Variants in SLC4A4 observed in about 807,000 individuals in gnomAD.
SLC4A4 encodes the protein electrogenic sodium bicarbonate cotransporter 1.
A neutral mutation model predicts 111.5 loss-of-function variants in SLC4A4; 27 were observed. That is an observed-to-expected ratio of 0.24 (90% confidence interval 0.18 to 0.33). The LOEUF is 0.33. SLC4A4 is among the 10% of genes least tolerant of loss of function. SLC4A4 has a pLI of 1.00. For missense variants in SLC4A4, 909 were observed against 1,315.5 expected, an observed-to-expected ratio of 0.69 and a Z score of 4.78; for synonymous variants, 443 against 463.4, an observed-to-expected ratio of 0.96 and a Z score of 0.57.
At chr4:71,198,860 A>C (rs745627805) in intron 1 of SLC4A4, among the ~76,000 whole-genome samples, 12 of 152,292 alleles carry the variant, frequency 7.9e-5, no homozygotes, top group Non-Finnish European at 1.6e-4. Flanking sequence ...AATTTTTAAA[A>C]AGTTTAAGTT....
chr4:71,512,369 T>G (rs1732007699), intron 16 of SLC4A4, among the ~76,000 whole-genome samples: 1 of 152,184 alleles, frequency 6.6e-6, no homozygotes, highest in Non-Finnish European at 1.5e-5. Context: ...TCATTGTAGT[T>G]TTGATTTGCA....
At chr4:71,413,816 G>A (rs1721605891) in intron 7 of SLC4A4, among the ~76,000 whole-genome samples, 1 of 152,132 alleles carries the variant, frequency 6.6e-6, no homozygotes, top group Non-Finnish European at 1.5e-5. Flanking sequence ...ATCAGCTGGG[G>A]AACATGCTCT....
At chr4:71,251,812 G>A (rs1721089327) in intron 2 of SLC4A4, among the ~76,000 whole-genome samples, 1 of 152,144 alleles carries the variant, frequency 6.6e-6, no homozygotes, top group East Asian at 1.9e-4. Context: ...ATCTTTGGAA[G>A]CAGTATTTCC....
In SLC4A4 at chr4:71,325,912, A is replaced by G. The variant is rs374739546; in HGVS notation, c.254-13458A>G. 1.6e-4 allele frequency among the ~76,000 whole-genome samples: 25 copies of G among 151,980 alleles called. No homozygotes were observed. In the South Asian group the frequency reaches 4.8e-3, roughly 29 times the overall value. ...GTGTGTATGTGTGTGTGTTTTAAAC[A>G]TTTATATGTTTATAAAACTTTATTC... On this transcript the variant is annotated intron_variant, in intron 3 of 25. Coordinates refer to ENST00000264485, the MANE Select transcript of SLC4A4 (RefSeq NM_001098484.3).
At chr4:71,419,116 C>A (rs1722114290) in intron 7 of SLC4A4, among the ~76,000 whole-genome samples, 1 of 152,322 alleles carries the variant, frequency 6.6e-6, no homozygotes, top group East Asian at 1.9e-4. Context: ...GGGGGTGCCT[C>A]CCAGTTAGGC....
intron 1 of SLC4A4, among the ~76,000 whole-genome samples, chr4:71,221,084 A>G (rs1160283962): frequency 6.6e-6 from 1 of 152,182 alleles, no homozygotes; most frequent in Non-Finnish European, 1.5e-5. Flanking sequence ...ATTCCATGGT[A>G]TATTGGTACC....
At chr4:71,232,899 G>A (rs1365005877) in intron 1 of SLC4A4, among the ~76,000 whole-genome samples, 4 of 152,242 alleles carry the variant, frequency 2.6e-5, no homozygotes, top group Admixed American at 2.6e-4. Context: ...GAAAGGGTTA[G>A]TTCTGATAGG....
chr4:71,333,298 C>A (rs948056645), intron 3 of SLC4A4, among the ~76,000 whole-genome samples: 2 of 152,220 alleles, frequency 1.3e-5, no homozygotes, highest in Non-Finnish European at 2.9e-5. Flanking sequence ...AGGTTTACCA[C>A]CTTTGTGGTT....
At chr4:71,252,340 T>G (rs1482040124) in intron 2 of SLC4A4, among the ~76,000 whole-genome samples, 1 of 152,208 alleles carries the variant, frequency 6.6e-6, no homozygotes, top group Non-Finnish European at 1.5e-5. Context: ...AGCAAGGCTA[T>G]CTTGCTCTCT....
intron 3 of SLC4A4, among the ~76,000 whole-genome samples, chr4:71,278,310 T>C (rs1723235362): frequency 1.3e-5 from 2 of 152,242 alleles, no homozygotes; most frequent in African/African-American, 4.8e-5. Flanking sequence ...TATTCCATTG[T>C]ATATATATCA....
chr4:71,416,062 T>C (rs993651277), intron 7 of SLC4A4, among the ~76,000 whole-genome samples: 5 of 152,224 alleles, frequency 3.3e-5, no homozygotes, highest in Middle Eastern at 3.2e-3. Flanking sequence ...TCTAGCTCTG[T>C]CTAATTCCAA....
At chr4:71,351,694 C>G (rs1390860718) in intron 5 of SLC4A4, among the ~76,000 whole-genome samples, 1 of 152,088 alleles carries the variant, frequency 6.6e-6, no homozygotes, top group Admixed American at 6.5e-5. Context: ...ACTCCTGCCT[C>G]TACTAAAAAT....
chr4:71,435,909 C>T (rs1244510428), intron 7 of SLC4A4, among the ~76,000 whole-genome samples: 4 of 152,168 alleles, frequency 2.6e-5, no homozygotes, highest in East Asian at 1.9e-4. Flanking sequence ...CAGGAAACAA[C>T]AGGTGCTGGA....
At chr4:71,408,058 G>A (rs1721031531) in intron 7 of SLC4A4, among the ~76,000 whole-genome samples, 1 of 151,994 alleles carries the variant, frequency 6.6e-6, no homozygotes, top group African/African-American at 2.4e-5. Flanking sequence ...GATTATTATT[G>A]AACTTTTTTA....
chr4:71,456,273 T>C (rs1240920737), intron 12 of SLC4A4, among the ~76,000 whole-genome samples: 1 of 152,168 alleles, frequency 6.6e-6, no homozygotes, highest in Non-Finnish European at 1.5e-5. Context: ...TGGCAATATC[T>C]TTCTCCTAGA....
At chr4:71,367,903 AC>A (rs1731473860) in intron 6 of SLC4A4, among the ~76,000 whole-genome samples, 1 of 151,994 alleles carries the variant, frequency 6.6e-6, no homozygotes, top group Admixed American at 6.6e-5. Flanking sequence ...TTAAACCTTG[AC>A]CTCCCAAGTC....
chr4:71,490,131 A>C (rs1729767403), intron 15 of SLC4A4, among the ~76,000 whole-genome samples: 1 of 151,744 alleles, frequency 6.6e-6, no homozygotes, highest in African/African-American at 2.4e-5. Flanking sequence ...TTGCAAACCA[A>C]ATTCCTTAAA....
intron 1 of SLC4A4, among the ~76,000 whole-genome samples, chr4:71,088,690 C>G (rs1478588120): frequency 1.3e-5 from 2 of 151,948 alleles, no homozygotes; most frequent in Non-Finnish European, 2.9e-5. Flanking sequence ...ATATGAAATT[C>G]TGGGGTGAAA....
chr4:71,385,196 T>TTTTTTTTTTTTA (rs1718588128), intron 6 of SLC4A4, among the ~76,000 whole-genome samples: 1 of 92,616 alleles, frequency 1.1e-5, no homozygotes, highest in African/African-American at 3.9e-5. Context: ...TATATATTTT[T>TTTTTTTTTTTTA]TTTTTTTTTT....
Sources: gnomAD v4.1 joint callset for allele counts (sites outside exome capture counted in the v4.1 genomes callset) on GRCh38, gnomAD v4.1.1 for gene constraint, MANE v1.5 for transcripts, NCBI Gene and HGNC (gene_info 2026-07-23, HGNC 2026-07-21) for gene names.